SLC8A2: variants seen among roughly 807,000 people sequenced by gnomAD.
The protein encoded by SLC8A2 is sodium/calcium exchanger 2.
A neutral mutation model predicts 70.2 loss-of-function variants in SLC8A2; 14 were observed. The observed-to-expected ratio is 0.20, with a 90% confidence interval of 0.13 to 0.31. The LOEUF (loss-of-function observed/expected upper bound fraction) is 0.31, where lower values mean the gene tolerates loss of function less well. Ranked by LOEUF, SLC8A2 falls within the 10% of genes least tolerant of loss-of-function variation. The probability of loss-of-function intolerance (pLI) is 1.00; values close to 1 mark genes in which losing one functional copy is unlikely to be tolerated. For missense variants in SLC8A2, 779 were observed against 1,320.1 expected (o/e 0.59, Z 6.35); for synonymous variants, 575 against 594.3 (o/e 0.97, Z 0.47).
Position 47,429,736 on chromosome 19 carries a change from T to C in SLC8A2, c.*353A>G, listed in dbSNP as rs1402196280. On this transcript the variant is annotated 3_prime_UTR_variant, in exon 10 of 10. Transcript: ENST00000236877. ...ACTTTGGGGGCAAAGCCAGGCTGGG[T>C]GACCAAGGAGAGAGACCTTAAACTC... is the stretch of plus-strand genomic sequence containing the variant. The C allele has an allele frequency of 8.5e-6, 2 of 235,118 alleles. No homozygotes were observed. Among genetic ancestry groups the C allele is most frequent in the African/African-American group, 4.9e-5 (2 of 41,150 alleles). 14.6% of individuals were successfully genotyped at this position (235,118 alleles called of 1,614,324 possible).
rs745537529 is a variant in SLC8A2 at position 47,429,206 on chromosome 19, A to G, written c.*883T>C. The G allele has an allele frequency of 4.6e-5, 7 of 152,330 alleles. No homozygotes were observed. The highest frequency in any genetic ancestry group is 1.0e-4 in the Non-Finnish European group (7 of 68,032). The allele number at this position is 152,330 out of a possible 1,614,324, so 9.4% of individuals were successfully genotyped here. ...GGCCTCCTCCCCAAAGCTGGTTCTC[A>G]TGGCTGAGGGAGTCTGCTGCCCTCT... On this transcript the variant is annotated 3_prime_UTR_variant, in exon 10 of 10. Transcript: ENST00000236877.
Position 47,466,494 on chromosome 19 carries a change from G to A in SLC8A2, c.-16-75C>T. 1.7e-6 allele frequency: 1 copy of A among 595,526 alleles called. No individual in the cohort carries two copies. Among genetic ancestry groups the A allele is most frequent in the South Asian group, 2.1e-5 (1 of 47,104 alleles). 36.9% of individuals were successfully genotyped at this position (595,526 alleles called of 1,614,324 possible). On this transcript the variant is annotated intron_variant, in intron 1 of 9. Transcript: ENST00000236877. The surrounding 1 kb of genome is among the most constrained non-coding windows in gnomAD (Gnocchi z 6.9). ...GTCATACAAAGGTCAAAGCTCACTG[G>A]GGAAGGAGGGTTGGGGGAGAAGCTG... is the stretch of plus-strand genomic sequence containing the variant.
intron 2 of SLC8A2, among the ~76,000 whole-genome samples, chr19:47,462,847 C>T (rs1967412745): frequency 6.6e-6 from 1 of 152,190 alleles, no homozygotes; most frequent in Non-Finnish European, 1.5e-5. Flanking sequence ...TTCGACCTCC[C>T]AAAGTGCTAG....
At chr19:47,431,063 C>G (rs1966951748) in intron 9 of SLC8A2, among the ~76,000 whole-genome samples, 1 of 151,986 alleles carries the variant, frequency 6.6e-6, no homozygotes, top group Non-Finnish European at 1.5e-5. Flanking sequence ...GGGTCTTGCT[C>G]TGTTGCCCAG....
In SLC8A2 at chr19:47,430,604, C is replaced by G. The variant is rs1258608240; in HGVS notation, c.2390-139G>C. 7 of 916,000 alleles carry G rather than the reference C, an allele frequency of 7.6e-6. No homozygotes were observed. The highest frequency in any genetic ancestry group is 1.1e-5 in the Non-Finnish European group (7 of 626,584). The allele number at this position is 916,000 out of a possible 1,614,324, so 56.7% of individuals were successfully genotyped here. A position where few individuals can be genotyped will look rare whatever the true frequency, so the allele number is the denominator to read the frequency against. ...GGGCTCAAGACCCCTGACCCCCACC[C>G]AAGAGGCAAAGTCCATCACCACCTT... On this transcript the variant is annotated intron_variant, in intron 9 of 9. Transcript: ENST00000236877. The surrounding 1 kb of genome is among the most constrained non-coding windows in gnomAD (Gnocchi z 5.9).
intron 3 of SLC8A2, 53 bp downstream of exon 3, chr19:47,456,877 G>A: frequency 6.7e-7 from 1 of 1,501,842 alleles, no homozygotes; most frequent in Non-Finnish European, 8.9e-7. Flanking sequence ...CCGGACGGCG[G>A]GACCCACGGC....
Position 47,456,941 on chromosome 19 carries a change from G to A in SLC8A2, c.1329C>T (p.Asp443=). 1 of 1,606,870 alleles carries A rather than the reference G, an allele frequency of 6.2e-7. No homozygotes were observed. The highest frequency in any genetic ancestry group is 8.5e-7 in the Non-Finnish European group (1 of 1,176,790). ...CCCGGGGGACCCACCTGTACTCGTAGTCGGAGCCCGCCTTGGCAGAGCCGT... is the reference window on the plus strand; with the variant it reads ...CCCGGGGGACCCACCTGTACTCGTAATCGGAGCCCGCCTTGGCAGAGCCGT... ...TEDGSAKAGS[D]YEYSEGTLVF... is the part of the protein sequence containing the mutation. The change falls in exon 3 of 10, where the codon GAC becomes GAT. Residue 443 remains aspartate, a synonymous_variant. Transcript: ENST00000236877.
At chr19:47,458,689 G>A (rs931175349) in intron 2 of SLC8A2, among the ~76,000 whole-genome samples, 12 of 139,098 alleles carry the variant, frequency 8.6e-5, no homozygotes, top group Middle Eastern at 9.9e-3. Flanking sequence ...CTCTCCCCAT[G>A]TCTGGACGTG....
At chr19:47,441,250 C>G in intron 5 of SLC8A2, 64 bp from the exon 6 acceptor site, 1 of 1,603,138 alleles carries the variant, frequency 6.2e-7, no homozygotes, top group Non-Finnish European at 8.5e-7. Context: ...GGTCCACGAG[C>G]TTTAAGGAGT....
intron 3 of SLC8A2, among the ~76,000 whole-genome samples, chr19:47,453,434 G>A (rs1357167181): frequency 2.6e-5 from 4 of 152,294 alleles, no homozygotes; most frequent in South Asian, 2.1e-4. Flanking sequence ...GGCTAAGCTC[G>A]GAGTGGAACC....
rs1366543795 is a variant in SLC8A2 at position 47,448,521 on chromosome 19, G to A, written c.1341-290C>T. 1.3e-5 allele frequency among the ~76,000 whole-genome samples: 2 copies of A among 152,156 alleles called. No individual in the cohort carries two copies. Among genetic ancestry groups the A allele is most frequent in the African/African-American group, 4.8e-5 (2 of 41,432 alleles). ...CAGGTAATGATAAGGTTGAGATCAG[G>A]GCAGGCTTCCTGGAGGAGGCATTAG... On this transcript the variant is annotated intron_variant, in intron 3 of 9. Transcript: ENST00000236877. The surrounding 1 kb of genome is among the most constrained non-coding windows in gnomAD (Gnocchi z 4.8).
Position 47,468,438 on chromosome 19 carries a change from A to G in SLC8A2, c.-16-2019T>C, listed in dbSNP as rs541695000. On this transcript the variant is annotated intron_variant, in intron 1 of 9. Transcript: ENST00000236877. The surrounding 1 kb of genome is among the most constrained non-coding windows in gnomAD (Gnocchi z 5.1). Reference sequence around the variant, plus strand: ...CAGCCTCCCAAGTAGCGGGAAGTACAGGCGTGCGCCACCATGCCCAGCTAA... The same window carrying G: ...CAGCCTCCCAAGTAGCGGGAAGTACGGGCGTGCGCCACCATGCCCAGCTAA... Among the ~76,000 whole-genome samples, 1 of 152,296 alleles carries G rather than the reference A, an allele frequency of 6.6e-6. No individual in the cohort carries two copies. Among genetic ancestry groups the G allele is most frequent in the East Asian group, 1.9e-4 (1 of 5,184 alleles).
chr19:47,449,987 G>A (rs1171231824), intron 3 of SLC8A2, among the ~76,000 whole-genome samples: 1 of 152,138 alleles, frequency 6.6e-6, no homozygotes, highest in Non-Finnish European at 1.5e-5. Flanking sequence ...CTCTGTAATG[G>A]GGGGAGCCGG....
At chr19:47,459,604 CTT>C (rs1208867701) in intron 2 of SLC8A2, among the ~76,000 whole-genome samples, 1 of 150,704 alleles carries the variant, frequency 6.6e-6, no homozygotes, top group East Asian at 1.9e-4. Flanking sequence ...TGTGTGCGTG[CTT>C]GTGTGTGCAT....
rs933469070 is a variant in SLC8A2 at position 47,462,242 on chromosome 19, C to CTTTCTT, written c.675+3481_675+3486dup. On this transcript the variant is annotated intron_variant, in intron 2 of 9. Transcript: ENST00000236877. ...ATTTATAACTCTGTTTTATGTATTT[C>CTTTCTT]TTTCTTTTTCTTTTTCTTTCTTTCT... Among the ~76,000 whole-genome samples, 11 of 152,198 alleles carry CTTTCTT rather than the reference C, an allele frequency of 7.2e-5. No homozygotes were observed. The East Asian group carries it at 1.9e-3, about 27-fold the overall frequency.
rs1464335491 is a variant in SLC8A2 at position 47,429,157 on chromosome 19, T to C, written c.*932A>G. On this transcript the variant is annotated 3_prime_UTR_variant, in exon 10 of 10. Coordinates refer to ENST00000236877, the MANE Select transcript of SLC8A2 (RefSeq NM_015063.3). Reference sequence around the variant, plus strand: ...GAACCTTCCAGATTGTCAGGGGAGATCAACTGGACTCGCTTTGATTCCCGG... The same window carrying C: ...GAACCTTCCAGATTGTCAGGGGAGACCAACTGGACTCGCTTTGATTCCCGG... 6.6e-6 allele frequency: 1 copy of C among 152,372 alleles called. No homozygotes were observed. The highest frequency in any genetic ancestry group is 1.5e-5 in the Non-Finnish European group (1 of 68,038). 9.4% of individuals were successfully genotyped at this position (152,372 alleles called of 1,614,324 possible). A position where few individuals can be genotyped will look rare whatever the true frequency, so the allele number is the denominator to read the frequency against.
intron 7 of SLC8A2, 95 bp from the exon 8 acceptor site, chr19:47,437,656 C>G: frequency 3.4e-6 from 4 of 1,193,054 alleles, no homozygotes; most frequent in Non-Finnish European, 5.0e-6. Context: ...AGCCTGTGCC[C>G]AGGGGTCCTC....
Position 47,465,657 on chromosome 19 carries a change from C to G in SLC8A2, c.675+72G>C, listed in dbSNP as rs538578884. ...TCTGCAAATACAGCAATCAACACTC[C>G]AAGCCAAGAGCACCTCTCTGGATTT... On this transcript the variant is annotated intron_variant, in intron 2 of 9. Coordinates refer to ENST00000236877, the MANE Select transcript of SLC8A2 (RefSeq NM_015063.3). The surrounding 1 kb of genome is among the most constrained non-coding windows in gnomAD (Gnocchi z 5.5). The G allele has an allele frequency of 7.5e-7, 1 of 1,325,038 alleles. No individual in the cohort carries two copies. Among genetic ancestry groups the G allele is most frequent in the African/African-American group, 1.5e-5 (1 of 68,194 alleles). 82.1% of individuals were successfully genotyped at this position (1,325,038 alleles called of 1,614,324 possible).
intron 3 of SLC8A2, among the ~76,000 whole-genome samples, chr19:47,455,691 CAGA>C (rs776375148): frequency 2.3e-4 from 35 of 152,262 alleles, no homozygotes; most frequent in Admixed American, 2.3e-3. Flanking sequence ...GTGTCATGGA[CAGA>C]AGAACTACAA....
Sources: allele counts gnomAD v4.1 joint callset (sites outside exome capture counted in the v4.1 genomes callset), GRCh38; gene constraint gnomAD v4.1.1; non-coding constraint Gnocchi (gnomAD v3.1); transcripts MANE v1.5; gene names NCBI Gene and HGNC (gene_info 2026-07-23, HGNC 2026-07-21).